DYNC1LI2: variants seen among roughly 807,000 people sequenced by gnomAD.
DYNC1LI2 encodes cytoplasmic dynein 1 light intermediate chain 2.
A neutral mutation model predicts 57.8 loss-of-function variants in DYNC1LI2; 19 were observed. That is an observed-to-expected ratio of 0.33 (90% confidence interval 0.23 to 0.48). DYNC1LI2 has a LOEUF of 0.48. DYNC1LI2 is among the 20% of genes least tolerant of loss of function. The probability of loss-of-function intolerance (pLI) is 0.99; values close to 1 mark genes in which losing one functional copy is unlikely to be tolerated. For synonymous variants in DYNC1LI2, 256 were observed against 233.4 expected (o/e 1.10, Z -0.88); for missense variants, 470 against 604.2 (o/e 0.78, Z 2.33).
intron 12 of DYNC1LI2, 24 bp downstream of exon 12, chr16:66,725,804 C>T (rs1404558623): frequency 6.2e-7 from 1 of 1,606,102 alleles, no homozygotes; most frequent in Non-Finnish European, 8.5e-7. Context: ...ACAAGAGTCA[C>T]AAGTCTCCAG....
intron 4 of DYNC1LI2, among the ~76,000 whole-genome samples, chr16:66,740,807 T>C (rs2144996599): frequency 6.6e-6 from 1 of 152,232 alleles, no homozygotes; most frequent in Non-Finnish European, 1.5e-5. Flanking sequence ...AGGAGCAAGG[T>C]CCTCCAGCTG....
In DYNC1LI2 at chr16:66,751,352, G is replaced by A. The variant is rs1201797696; in HGVS notation, c.108-6C>T. The A allele has an allele frequency of 3.7e-6, 6 of 1,611,316 alleles. No individual in the cohort carries two copies. Among genetic ancestry groups the A allele is most frequent in the Non-Finnish European group, 4.2e-6 (5 of 1,178,764 alleles). On this transcript the variant is annotated splice_region_variant and splice_polypyrimidine_tract_variant and intron_variant, in intron 1 of 12. Coordinates refer to ENST00000258198, the MANE Select transcript of DYNC1LI2 (RefSeq NM_006141.3). This position sits in a 1 kb window ranked among gnomAD's most constrained non-coding sequence, Gnocchi z 5.2. Reference sequence around the variant, plus strand: ...CTTCGCTCAGAATGGAGGACCTGTGGCGACAATGGCAAGAGTGGTCAGCCC... The same window carrying A: ...CTTCGCTCAGAATGGAGGACCTGTGACGACAATGGCAAGAGTGGTCAGCCC...
In DYNC1LI2 at chr16:66,751,336, G is replaced by C. The variant is rs774541792; in HGVS notation, c.118C>G (p.Leu40Val). The C allele has an allele frequency of 3.1e-6, 5 of 1,611,986 alleles. No individual in the cohort carries two copies. Among genetic ancestry groups the C allele is most frequent in the South Asian group, 1.1e-5 (1 of 90,932 alleles). Reference protein sequence around the residue: ...EEGQSLWSSILSEVSTRARSK... With the variant: ...EEGQSLWSSIVSEVSTRARSK... ...CTGGCGCGGGTGGACACTTCGCTCA[G>C]AATGGAGGACCTGTGGCGACAATGG... Residue 40 changes from leucine (L) to valine (V), a missense_variant, in exon 2 of 13, where the codon CTG (leucine) becomes GTG (valine). By Grantham distance (32) the Leu-to-Val change is conservative. Coordinates refer to ENST00000258198, the MANE Select transcript of DYNC1LI2 (RefSeq NM_006141.3). The surrounding 1 kb of genome is among the most constrained non-coding windows in gnomAD (Gnocchi z 5.2).
intron 10 of DYNC1LI2, 85 bp from the exon 11 acceptor site, chr16:66,727,890 G>A: frequency 8.0e-7 from 1 of 1,249,670 alleles, no homozygotes; most frequent in Non-Finnish European, 1.1e-6. Flanking sequence ...TGCTTCTGAG[G>A]GATATTTTTC....
At chr16:66,748,085 G>A (rs938922527) in intron 3 of DYNC1LI2, among the ~76,000 whole-genome samples, 4 of 151,666 alleles carry the variant, frequency 2.6e-5, no homozygotes, top group African/African-American at 4.8e-5. Flanking sequence ...TCAGGAGTTC[G>A]AGACCAACCT....
intron 2 of DYNC1LI2, among the ~76,000 whole-genome samples, chr16:66,750,928 G>C (rs1385834548): frequency 6.6e-6 from 1 of 152,162 alleles, no homozygotes; most frequent in Non-Finnish European, 1.5e-5. Context: ...TCCGAGCCCA[G>C]GTCACCTCGT....
chr16:66,733,277 A>G (rs1377115119), intron 6 of DYNC1LI2: 1 of 152,240 alleles, frequency 6.6e-6, no homozygotes, highest in Non-Finnish European at 1.5e-5. Flanking sequence ...ATTAATTAAA[A>G]GTGGGCAGAC....
chr16:66,726,033 T>G (rs776129108), intron 11 of DYNC1LI2, 89 bp from the exon 12 acceptor site: 10 of 1,340,676 alleles, frequency 7.5e-6, no homozygotes, highest in Non-Finnish European at 9.2e-6. Context: ...CATTAGCCAC[T>G]TGTGGCTATC....
rs767967501 is a variant in DYNC1LI2 at position 66,749,186 on chromosome 16, G to A, written c.298+11C>T. ...TACACCCCCTTACCATGGGACCAATGCTTCACTCACCATCTCGGTCCTCAT... is the reference window on the plus strand; with the variant it reads ...TACACCCCCTTACCATGGGACCAATACTTCACTCACCATCTCGGTCCTCAT... On this transcript the variant is annotated intron_variant, in intron 3 of 12. Coordinates refer to ENST00000258198, the MANE Select transcript of DYNC1LI2 (RefSeq NM_006141.3). 6.0e-5 allele frequency: 97 copies of A among 1,613,454 alleles called. No individual in the cohort carries two copies. The Middle Eastern group carries it at 6.6e-4, about 11-fold the overall frequency.
intron 3 of DYNC1LI2, among the ~76,000 whole-genome samples, chr16:66,748,202 T>C (rs1450561931): frequency 7.5e-6 from 1 of 134,130 alleles, no homozygotes; most frequent in Non-Finnish European, 1.5e-5. Context: ...GACCCGAGGC[T>C]GGGAGGCAGA....
chr16:66,747,421 G>A (rs2017957087), intron 3 of DYNC1LI2, among the ~76,000 whole-genome samples: 1 of 152,112 alleles, frequency 6.6e-6, no homozygotes. Flanking sequence ...TAGAATTACG[G>A]TGCTGGAAAG....
At chr16:66,729,006 A>G (rs1423625691) in intron 9 of DYNC1LI2, 34 bp downstream of exon 9, 2 of 1,612,218 alleles carry the variant, frequency 1.2e-6, no homozygotes, top group Non-Finnish European at 1.7e-6. Context: ...CATGCATGAG[A>G]AGGCCTCTGT....
rs374621092 is a variant in DYNC1LI2 at position 66,742,509 on chromosome 16, G to C, written c.458C>G (p.Ala153Gly). 6.2e-7 allele frequency: 1 copy of C among 1,614,022 alleles called. No individual in the cohort carries two copies. Among genetic ancestry groups the C allele is most frequent in the African/African-American group, 1.3e-5 (1 of 74,890 alleles). The change falls in exon 4 of 13, where the codon GCT becomes GGT. Residue 153 changes from alanine (A) to glycine (G), a missense_variant. Transcript: ENST00000258198. ...ATCAATGTGCTCACGTAAAACACTA[G>C]CCCATTTCTGCAGAGATTCCATCAC... Reference protein sequence around the residue: ...WTVMESLQKWASVLREHIDKM... With the variant: ...WTVMESLQKWGSVLREHIDKM...
intron 7 of DYNC1LI2, chr16:66,732,008 T>C (rs2017645254): frequency 4.3e-6 from 1 of 230,032 alleles, no homozygotes; most frequent in African/African-American, 2.3e-5. Context: ...AAGCAGGCGC[T>C]TTAATAGAAG....
intron 2 of DYNC1LI2, among the ~76,000 whole-genome samples, 185 bp from the exon 3 acceptor site, chr16:66,749,498 G>A (rs2018001998): frequency 6.6e-6 from 1 of 152,062 alleles, no homozygotes; most frequent in Non-Finnish European, 1.5e-5. Flanking sequence ...AGGAGAGGGT[G>A]GTAAAGGCAG....
chr16:66,737,883 C>CA (rs2017763886), intron 4 of DYNC1LI2, among the ~76,000 whole-genome samples: 1 of 152,144 alleles, frequency 6.6e-6, no homozygotes, highest in South Asian at 2.1e-4. Context: ...GTCCAGAGAA[C>CA]AAAAAATGCA....
intron 3 of DYNC1LI2, among the ~76,000 whole-genome samples, chr16:66,747,790 T>G (rs1258633721): frequency 1.3e-5 from 2 of 151,798 alleles, no homozygotes; most frequent in African/African-American, 4.8e-5. Flanking sequence ...AGGCTGGTCT[T>G]GAACTCCTGA....
intron 3 of DYNC1LI2, among the ~76,000 whole-genome samples, chr16:66,745,129 G>A (rs973000762): frequency 2.0e-5 from 3 of 151,894 alleles, no homozygotes; most frequent in East Asian, 1.9e-4. Context: ...GGCTAGTCTC[G>A]AACTCCTGAC....
In DYNC1LI2 at chr16:66,734,177, A is replaced by T. The variant is rs776077929; in HGVS notation, c.793+41T>A. Reference sequence around the variant, plus strand: ...TCTTTGAAGATGCCCCATTTGGAAGAAAGCCTGTGACCCAGGCCCCACACA... The same window carrying T: ...TCTTTGAAGATGCCCCATTTGGAAGTAAGCCTGTGACCCAGGCCCCACACA... On this transcript the variant is annotated intron_variant, in intron 6 of 12. Coordinates refer to ENST00000258198, the MANE Select transcript of DYNC1LI2 (RefSeq NM_006141.3). 1.9e-6 allele frequency: 3 copies of T among 1,599,222 alleles called. No homozygotes were observed. In the East Asian group the frequency reaches 6.7e-5, roughly 36 times the overall value.
Sources: allele counts gnomAD v4.1 joint callset (sites outside exome capture counted in the v4.1 genomes callset), GRCh38; gene constraint gnomAD v4.1.1; non-coding constraint Gnocchi (gnomAD v3.1); transcripts MANE v1.5; gene names NCBI Gene and HGNC (gene_info 2026-07-23, HGNC 2026-07-21).